Variants in USO1 observed in about 807,000 individuals in gnomAD.
The protein encoded by USO1 is USO1 vesicle transport factor.
Under a neutral mutation model 124.5 loss-of-function variants are expected in USO1, and 57 were observed. The ratio of observed to expected loss-of-function variants is 0.46; its 90% CI spans 0.37 to 0.57. The LOEUF (loss-of-function observed/expected upper bound fraction) is 0.57, where lower values mean the gene tolerates loss of function less well. Ranked by LOEUF, USO1 falls within the 20% of genes least tolerant of loss-of-function variation. The pLI is 0.00. For missense variants in USO1, 900 were observed against 1,040.6 expected, an observed-to-expected ratio of 0.86 and a Z score of 1.86; for synonymous variants, 369 against 362.8, an observed-to-expected ratio of 1.02 and a Z score of -0.19.
intron 20 of USO1, among the ~76,000 whole-genome samples, chr4:75,806,963 A>G (rs1723016257): frequency 6.6e-6 from 1 of 152,180 alleles, no homozygotes; most frequent in South Asian, 2.1e-4. Flanking sequence ...TAGAAAATAT[A>G]GAATTTTAGA....
At chr4:75,781,529 T>A (rs4859555) in intron 8 of USO1, among the ~76,000 whole-genome samples, 83,302 of 152,020 alleles carry the variant, frequency 0.55, 24,090 homozygotes, top group East Asian at 0.81. Context: ...TAAATTAAGT[T>A]ATGTACATTC....
chr4:75,801,289 A>G, intron 17 of USO1, 89 bp downstream of exon 17: 5 of 1,406,396 alleles, frequency 3.6e-6, no homozygotes, highest in Non-Finnish European at 4.7e-6. Flanking sequence ...TTTCAAATGA[A>G]AGAGGATATA....
intron 3 of USO1, among the ~76,000 whole-genome samples, chr4:75,754,893 T>G (rs1384021976): frequency 1.3e-5 from 2 of 152,208 alleles, no homozygotes; most frequent in South Asian, 4.1e-4. Context: ...CACCTCATAG[T>G]TTCTGTGGAT....
At chr4:75,728,095 G>A (rs914470790) in intron 1 of USO1, among the ~76,000 whole-genome samples, 9 of 152,188 alleles carry the variant, frequency 5.9e-5, no homozygotes, top group African/African-American at 2.2e-4. Context: ...AGCAACTTAC[G>A]TTACTAGGTA....
intron 13 of USO1, among the ~76,000 whole-genome samples, chr4:75,799,374 A>G (rs6843016): frequency 0.53 from 81,144 of 151,874 alleles, 23,414 homozygotes; most frequent in East Asian, 0.81. Context: ...TCATATTTTA[A>G]ATAACCCAGT....
chr4:75,806,424 T>G (rs1258544265), intron 19 of USO1, 62 bp from the exon 20 acceptor site: 2 of 253,676 alleles, frequency 7.9e-6, no homozygotes, highest in South Asian at 6.3e-5. Context: ...TACAGTTCTG[T>G]TTTTTTTTCT....
At chr4:75,787,651 T>C (rs1156680611) in intron 10 of USO1, among the ~76,000 whole-genome samples, 1 of 152,172 alleles carries the variant, frequency 6.6e-6, no homozygotes, top group Non-Finnish European at 1.5e-5. Flanking sequence ...ATTTTTAAAA[T>C]TTTTCTCAAA....
chr4:75,775,524 A>G (rs923705303), intron 8 of USO1, among the ~76,000 whole-genome samples: 1 of 152,078 alleles, frequency 6.6e-6, no homozygotes, highest in Non-Finnish European at 1.5e-5. Flanking sequence ...GGGTAACAGA[A>G]TGAGACTCTG....
intron 7 of USO1, among the ~76,000 whole-genome samples, chr4:75,771,350 T>A (rs569045673): frequency 6.6e-6 from 1 of 152,320 alleles, no homozygotes; most frequent in South Asian, 2.1e-4. Flanking sequence ...TCCTCCTGTC[T>A]TGGCCTCCCA....
intron 20 of USO1, among the ~76,000 whole-genome samples, chr4:75,808,220 A>T (rs1723048494): frequency 6.6e-6 from 1 of 152,166 alleles, no homozygotes; most frequent in Admixed American, 6.5e-5. Context: ...TTGGAAATTC[A>T]ACATTAATAA....
At chr4:75,765,728 G>T (rs1330647787) in intron 4 of USO1, among the ~76,000 whole-genome samples, 1 of 151,282 alleles carries the variant, frequency 6.6e-6, no homozygotes, top group Non-Finnish European at 1.5e-5. Context: ...TCAAGCGTGT[G>T]TAAGTAATTA....
chr4:75,757,559 A>C lies in USO1; in HGVS notation c.281A>C (p.Glu94Ala). ...CTATATAATATAATATCTAATGAAG[A>C]AGAAGAAGAAGTAGGTAAGTTTCCA... is the stretch of plus-strand genomic sequence containing the variant. ...DTLYNIISNE[E>A]EEEVEENSTR... The change falls in exon 4 of 24, where the codon GAA (glutamate) becomes GCA (alanine). Residue 94 changes from glutamate (E) to alanine (A), a missense_variant. Glu to Ala is a moderately radical substitution (Grantham distance 107, BLOSUM62 -1). Transcript: ENST00000514213. 6.7e-7 allele frequency: 1 copy of C among 1,490,058 alleles called. No homozygotes were observed. The highest frequency in any genetic ancestry group is 8.9e-7 in the Non-Finnish European group (1 of 1,118,880). 92.3% of individuals were successfully genotyped at this position (1,490,058 alleles called of 1,614,324 possible).
chr4:75,729,577 G>A (rs542498219), intron 1 of USO1, among the ~76,000 whole-genome samples: 210 of 152,160 alleles, frequency 1.4e-3, no homozygotes, highest in Non-Finnish European at 2.7e-3. Flanking sequence ...CTGAGCTCAG[G>A]CAGTCTGCCC....
chr4:75,757,846 A>G (rs1308925294), intron 4 of USO1, among the ~76,000 whole-genome samples: 2 of 152,070 alleles, frequency 1.3e-5, no homozygotes, highest in East Asian at 3.8e-4. Context: ...TTAGTTAGGC[A>G]GTATGCATAT....
At chr4:75,786,057 G>C (rs994124045) in intron 9 of USO1, among the ~76,000 whole-genome samples, 2 of 152,136 alleles carry the variant, frequency 1.3e-5, no homozygotes, top group African/African-American at 2.4e-5. Context: ...ATTACTCACT[G>C]AGTTAACTAC....
chr4:75,782,964 AG>A, intron 9 of USO1, 106 bp downstream of exon 9: 1 of 1,389,136 alleles, frequency 7.2e-7, no homozygotes, highest in Non-Finnish European at 9.4e-7. Flanking sequence ...GATGGATTTC[AG>A]GTTGGCTTAA....
intron 1 of USO1, among the ~76,000 whole-genome samples, chr4:75,738,067 TTG>T (rs1720846822): frequency 6.6e-6 from 1 of 150,722 alleles, no homozygotes; most frequent in African/African-American, 2.4e-5. Context: ...ACTCCTGACC[TTG>T]TGATCTGCCT....
chr4:75,797,150 C>G (rs770043697), intron 13 of USO1, among the ~76,000 whole-genome samples: 2 of 152,050 alleles, frequency 1.3e-5, no homozygotes, highest in Non-Finnish European at 2.9e-5. Context: ...GCCTGATAGA[C>G]AGAGCGAGAC....
intron 3 of USO1, among the ~76,000 whole-genome samples, chr4:75,757,283 A>T (rs1577940619): frequency 6.6e-6 from 1 of 152,148 alleles, no homozygotes; most frequent in East Asian, 1.9e-4. Flanking sequence ...TGAATTTGCC[A>T]TACTGTGTTT....
Sources: allele counts gnomAD v4.1 joint callset (sites outside exome capture counted in the v4.1 genomes callset), GRCh38; gene constraint gnomAD v4.1.1; transcripts MANE v1.5; gene names NCBI Gene and HGNC (gene_info 2026-07-23, HGNC 2026-07-21).